The following ERC2 variants were observed in gnomAD, a reference collection of about 807,000 sequenced individuals.
The protein encoded by ERC2 is ELKS/RAB6-interacting/CAST family member 2, also known as ERC protein 2.
In ERC2, 42 loss-of-function variants were observed where a neutral mutation model predicts 114.8. That is an observed-to-expected ratio of 0.37 (90% CI 0.29 to 0.47). The LOEUF (loss-of-function observed/expected upper bound fraction) is 0.47. ERC2 is among the 20% of genes least tolerant of loss of function. The pLI, the probability that ERC2 is intolerant of heterozygous loss-of-function variation, is 0.99. For synonymous variants in ERC2, 454 were observed against 425.5 expected (o/e 1.07, Z -0.82); for missense variants, 939 against 1,150.7 (o/e 0.82, Z 2.66).
At chr3:55,793,004 T>C (rs892452902) in intron 14 of ERC2, among the ~76,000 whole-genome samples, 2 of 152,208 alleles carry the variant, frequency 1.3e-5, no homozygotes, top group Non-Finnish European at 2.9e-5. Context: ...CTGGGGAGTA[T>C]ATAGATTGGT....
intron 16 of ERC2, among the ~76,000 whole-genome samples, chr3:55,687,265 A>G (rs2148789739): frequency 6.6e-6 from 1 of 152,286 alleles, no homozygotes; most frequent in East Asian, 1.9e-4. Flanking sequence ...AGGCTCTGAG[A>G]AGAAACTCTA....
At chr3:55,611,569 A>G (rs1416821684) in intron 17 of ERC2, among the ~76,000 whole-genome samples, 4 of 152,160 alleles carry the variant, frequency 2.6e-5, no homozygotes, top group East Asian at 1.9e-4. Context: ...GGAGAGGCCT[A>G]TTAGGGGAGT....
intron 17 of ERC2, among the ~76,000 whole-genome samples, chr3:55,517,119 G>A (rs72868663): frequency 0.014 from 2,174 of 152,204 alleles, 50 homozygotes; most frequent in African/African-American, 0.049. Context: ...CAATACCTGT[G>A]ATATGTAACT....
chr3:55,898,454 G>T (rs949162133), intron 13 of ERC2, among the ~76,000 whole-genome samples: 3 of 152,118 alleles, frequency 2.0e-5, no homozygotes, highest in Non-Finnish European at 4.4e-5. Flanking sequence ...TCCCCATCAG[G>T]CCCCAGCTAC....
chr3:55,729,006 G>A (rs1005252123), intron 15 of ERC2, among the ~76,000 whole-genome samples: 1 of 152,180 alleles, frequency 6.6e-6, no homozygotes, highest in South Asian at 2.1e-4. Flanking sequence ...TGGAGCTAGG[G>A]GATGTGGAGA....
chr3:56,122,972 C>T (rs1172546725), intron 6 of ERC2, among the ~76,000 whole-genome samples: 1 of 152,128 alleles, frequency 6.6e-6, no homozygotes, highest in Non-Finnish European at 1.5e-5. Flanking sequence ...TCAACCACCC[C>T]AAGAAAACAC....
intron 14 of ERC2, among the ~76,000 whole-genome samples, chr3:55,778,220 G>T (rs965593344): frequency 1.3e-5 from 2 of 152,182 alleles, no homozygotes; most frequent in African/African-American, 4.8e-5. Context: ...AAAAATGCAG[G>T]TGTTCCTTAA....
chr3:55,530,548 T>A (rs1428638157), intron 17 of ERC2, among the ~76,000 whole-genome samples: 1 of 152,072 alleles, frequency 6.6e-6, no homozygotes, highest in Non-Finnish European at 1.5e-5. Flanking sequence ...CTGCAATAAT[T>A]ATAGCCCCAT....
intron 3 of ERC2, among the ~76,000 whole-genome samples, chr3:56,249,895 TCACC>T (rs1157584735): frequency 1.4e-5 from 2 of 144,624 alleles, no homozygotes; most frequent in African/African-American, 5.1e-5. Context: ...TCTTACTCTG[TCACC>T]CAGGCTGGAG....
At chr3:56,300,718 T>C (rs533729317) in intron 2 of ERC2, among the ~76,000 whole-genome samples, 74 of 152,186 alleles carry the variant, frequency 4.9e-4, no homozygotes, top group African/African-American at 1.8e-3. Context: ...CATAAGAAAA[T>C]GGGGACAAAA....
At chr3:55,798,130 T>A (rs1239060584) in intron 14 of ERC2, among the ~76,000 whole-genome samples, 1 of 151,930 alleles carries the variant, frequency 6.6e-6, no homozygotes, top group African/African-American at 2.4e-5. Context: ...AAAGAGAGAC[T>A]GAAGACACAG....
chr3:56,368,870 C>A (rs13094881), intron 2 of ERC2, among the ~76,000 whole-genome samples: 50,577 of 151,978 alleles, frequency 0.33, 8,572 homozygotes, highest in African/African-American at 0.36. Context: ...AGACCTTATC[C>A]GGTACTGTTA....
intron 13 of ERC2, among the ~76,000 whole-genome samples, chr3:55,930,456 T>C (rs1246567190): frequency 6.6e-5 from 10 of 152,130 alleles, no homozygotes; most frequent in Non-Finnish European, 1.0e-4. Flanking sequence ...ACCACACATC[T>C]ACAACCATCT....
At chr3:55,822,568 CT>C (rs202173599) in intron 14 of ERC2, among the ~76,000 whole-genome samples, 1,611 of 137,014 alleles carry the variant, frequency 0.012, 21 homozygotes, top group African/African-American at 0.041. Context: ...TCTTTTTTTT[CT>C]TTTTTTTTTT....
rs2053155583 is a variant in ERC2, at chr3:55,524,223, G to C, written c.*40-12947C>G. On this transcript the variant is annotated intron_variant, in intron 17 of 17. Coordinates refer to ENST00000288221, the MANE Select transcript of ERC2 (RefSeq NM_015576.3). Reference sequence around the variant, plus strand: ...GAGAGCTGGGCAATAGGACCAGCTTGATCCTGAGTGCAGAAATAACCACAG... The same window carrying C: ...GAGAGCTGGGCAATAGGACCAGCTTCATCCTGAGTGCAGAAATAACCACAG... Among the ~76,000 whole-genome samples, 4 of 152,304 alleles carry C rather than the reference G, an allele frequency of 2.6e-5. No homozygotes were observed. In the South Asian group the frequency reaches 8.3e-4, roughly 32 times the overall value.
At chr3:55,994,842 A>G (rs896281904) in intron 10 of ERC2, among the ~76,000 whole-genome samples, 6 of 152,126 alleles carry the variant, frequency 3.9e-5, no homozygotes, top group African/African-American at 1.4e-4. Flanking sequence ...AAGTATGGTG[A>G]AAGGACTCAT....
At chr3:56,105,984 A>G (rs142071808) in intron 6 of ERC2, among the ~76,000 whole-genome samples, 17 of 152,352 alleles carry the variant, frequency 1.1e-4, no homozygotes, top group Non-Finnish European at 2.2e-4. Context: ...ACATGATTTC[A>G]GAAAGAATGC....
At chr3:56,230,025 C>T (rs963193651) in intron 3 of ERC2, among the ~76,000 whole-genome samples, 2 of 151,766 alleles carry the variant, frequency 1.3e-5, no homozygotes, top group Admixed American at 1.3e-4. Flanking sequence ...GCCACCACAC[C>T]CGGCTAAATT....
chr3:55,901,408 C>A (rs918060087), intron 13 of ERC2, among the ~76,000 whole-genome samples: 1 of 152,162 alleles, frequency 6.6e-6, no homozygotes, highest in African/African-American at 2.4e-5. Context: ...AGCTCAGGGT[C>A]CTCTTCCAAG....
Sources: allele counts gnomAD v4.1 joint callset (sites outside exome capture counted in the v4.1 genomes callset), GRCh38; gene constraint gnomAD v4.1.1; transcripts MANE v1.5; gene names NCBI Gene and HGNC (gene_info 2026-07-23, HGNC 2026-07-21).